ZNF407: variants seen among roughly 807,000 people sequenced by gnomAD.
ZNF407 encodes zinc finger protein 407.
Under a neutral mutation model 131.2 loss-of-function variants are expected in ZNF407, and 17 were observed. That is an observed-to-expected ratio of 0.13 (90% CI 0.09 to 0.19). ZNF407 has a LOEUF of 0.19. Among genes scored for constraint, ZNF407 ranks in the 10% least tolerant of loss-of-function variants. The pLI is 1.00. For synonymous variants in ZNF407, 1,156 were observed against 1,062.0 expected (o/e 1.09, Z -1.72); for missense variants, 2,681 against 2,830.6 (o/e 0.95, Z 1.20).
At chr18:74,730,740 A>T (rs1046274177) in intron 3 of ZNF407, among the ~76,000 whole-genome samples, 1 of 152,130 alleles carries the variant, frequency 6.6e-6, no homozygotes, top group Non-Finnish European at 1.5e-5. Flanking sequence ...TCATTTTCTC[A>T]CTATTTTCCA....
chr18:74,666,171 G>A (rs1256116517), intron 3 of ZNF407, among the ~76,000 whole-genome samples: 1 of 152,152 alleles, frequency 6.6e-6, no homozygotes, highest in Non-Finnish European at 1.5e-5. Flanking sequence ...AGGGCGCTCT[G>A]TGTGCCCTGT....
rs187850767 is a variant in ZNF407, at chr18:74,853,206, A to C, written c.4878-23991A>C. On this transcript the variant is annotated intron_variant, in intron 4 of 8. Coordinates refer to ENST00000299687, the MANE Select transcript of ZNF407 (RefSeq NM_017757.3). ...GAGCTTGCAATTAATGCTCCTAGCC[A>C]CTACTGTTGTCTTTGTATCATTTCA... Among the ~76,000 whole-genome samples the C allele has an allele frequency of 2.4e-3, 369 of 152,340 alleles. 2 individuals carry two copies. Among genetic ancestry groups the C allele is most frequent in the Admixed American group, 3.7e-3 (57 of 15,308 alleles).
intron 3 of ZNF407, among the ~76,000 whole-genome samples, chr18:74,719,423 G>A (rs561843656): frequency 3.9e-4 from 60 of 152,036 alleles, no homozygotes; most frequent in African/African-American, 1.3e-3. Flanking sequence ...ATTTAGAGAC[G>A]GAGTCTTGCT....
chr18:74,720,464 C>T (rs1472066185), intron 3 of ZNF407, among the ~76,000 whole-genome samples: 1 of 151,550 alleles, frequency 6.6e-6, no homozygotes, highest in African/African-American at 2.4e-5. Flanking sequence ...TCTTTTCACT[C>T]TGTTGTTTTT....
At position 75,006,032 on chromosome 18, in the gene ZNF407, G is replaced by A. The variant is rs535896400; in HGVS notation, c.5429-57118G>A. Among the ~76,000 whole-genome samples the A allele has an allele frequency of 2.6e-5, 4 of 152,288 alleles. No homozygotes were observed. The South Asian group carries it at 6.2e-4, about 24-fold the overall frequency. ...ATAAAGTCCTGGATCCAAACAAACT[G>A]CGGTGAAATCAGACACTGAGAGAGG... On this transcript the variant is annotated intron_variant, in intron 8 of 8. Coordinates refer to ENST00000299687, the MANE Select transcript of ZNF407 (RefSeq NM_017757.3).
intron 8 of ZNF407, among the ~76,000 whole-genome samples, chr18:74,963,437 A>G (rs1285370420): frequency 6.6e-6 from 1 of 152,200 alleles, no homozygotes; most frequent in Non-Finnish European, 1.5e-5. Context: ...GCATCATGTT[A>G]GTAATCCTTA....
intron 4 of ZNF407, among the ~76,000 whole-genome samples, chr18:74,808,734 A>G: frequency 6.6e-6 from 1 of 152,172 alleles, no homozygotes; most frequent in East Asian, 1.9e-4. Flanking sequence ...ATCTAATTCT[A>G]ATGAGTACAT....
chr18:74,632,959 A>C lies in ZNF407; in HGVS notation c.1940A>C (p.Lys647Thr), dbSNP rs752684151. ...CATATTAATTCATTGGTTCAACCAAAGACTTTGCAATCATCTAACAGTGAT... is the reference window on the plus strand; with the variant it reads ...CATATTAATTCATTGGTTCAACCAACGACTTTGCAATCATCTAACAGTGAT... ...EKHINSLVQP[K>T]TLQSSNSDLV... is the part of the protein sequence containing the mutation. Residue 647 changes from lysine (K) to threonine (T), a missense_variant, in exon 2 of 9, where the codon AAG becomes ACG. By Grantham distance (78) the Lys-to-Thr change is moderately conservative. Transcript: ENST00000299687. 6.2e-7 allele frequency: 1 copy of C among 1,613,528 alleles called. No individual in the cohort carries two copies. The highest frequency in any genetic ancestry group is 2.2e-5 in the East Asian group (1 of 44,876).
intron 3 of ZNF407, among the ~76,000 whole-genome samples, chr18:74,691,001 G>A (rs181298587): frequency 3.9e-5 from 6 of 152,274 alleles, no homozygotes; most frequent in Middle Eastern, 3.4e-3. Context: ...AGGAAAGGCC[G>A]AGCGCAGTGG....
intron 3 of ZNF407, among the ~76,000 whole-genome samples, chr18:74,770,071 T>G (rs1055766016): frequency 6.6e-6 from 1 of 151,932 alleles, no homozygotes; most frequent in African/African-American, 2.4e-5. Flanking sequence ...TGAGATGTGG[T>G]GAGGGTTAGG....
intron 3 of ZNF407, among the ~76,000 whole-genome samples, chr18:74,749,915 G>A (rs1230112077): frequency 6.6e-6 from 1 of 152,148 alleles, no homozygotes; most frequent in African/African-American, 2.4e-5. Context: ...AATTAGAAGA[G>A]TGTGAAATTG....
chr18:74,629,961 C>T (rs1359790620), intron 1 of ZNF407, among the ~76,000 whole-genome samples: 4 of 151,988 alleles, frequency 2.6e-5, no homozygotes, highest in Admixed American at 2.6e-4. Context: ...TTTCCCTTTG[C>T]CATTAACCTT....
Position 74,709,772 on chromosome 18 carries a change from T to C in ZNF407, c.4802+68650T>C, listed in dbSNP as rs576809220. Reference sequence around the variant, plus strand: ...CTGCTGAGAAAGATTTTGATGCCTTTTGCTTTAATTAAGCAAAAGGGAATG... The same window carrying C: ...CTGCTGAGAAAGATTTTGATGCCTTCTGCTTTAATTAAGCAAAAGGGAATG... On this transcript the variant is annotated intron_variant, in intron 3 of 8. Coordinates refer to ENST00000299687, the MANE Select transcript of ZNF407 (RefSeq NM_017757.3). Among the ~76,000 whole-genome samples, 10 of 152,360 alleles carry C rather than the reference T, an allele frequency of 6.6e-5. No homozygotes were observed. The South Asian group carries it at 1.9e-3, about 28-fold the overall frequency.
intron 3 of ZNF407, among the ~76,000 whole-genome samples, chr18:74,733,895 T>G (rs76677318): frequency 0.047 from 7,110 of 152,314 alleles, 204 homozygotes; most frequent in East Asian, 0.12. Context: ...TAGCCTTTTC[T>G]TTGAGAAAAG....
chr18:75,004,148 CTCAG>C (rs1972879500), intron 8 of ZNF407, among the ~76,000 whole-genome samples: 1 of 152,214 alleles, frequency 6.6e-6, no homozygotes, highest in Admixed American at 6.5e-5. Context: ...GTCTTTCCTG[CTCAG>C]TTTGTGTGCG....
intron 3 of ZNF407, among the ~76,000 whole-genome samples, chr18:74,756,756 C>T (rs1163907125): frequency 6.6e-6 from 1 of 151,668 alleles, no homozygotes; most frequent in Admixed American, 6.6e-5. Flanking sequence ...GTTTTTTTGA[C>T]TCTTCATTCA....
intron 2 of ZNF407, among the ~76,000 whole-genome samples, chr18:74,640,386 AATC>A (rs1225456990): frequency 2.0e-4 from 30 of 152,266 alleles, no homozygotes; most frequent in Admixed American, 9.2e-4. Flanking sequence ...CAGTTTGTTT[AATC>A]ATCATCGATT....
chr18:74,682,435 C>T (rs965169681), intron 3 of ZNF407, among the ~76,000 whole-genome samples: 2 of 152,130 alleles, frequency 1.3e-5, no homozygotes, highest in South Asian at 2.1e-4. Context: ...CGTAGTAGTG[C>T]CATGTCCATC....
intron 8 of ZNF407, among the ~76,000 whole-genome samples, chr18:74,953,138 G>A (rs185799460): frequency 1.5e-4 from 23 of 152,228 alleles, no homozygotes; most frequent in African/African-American, 4.6e-4. Context: ...AAAGGACTGC[G>A]TGGAAATGAG....
Sources: allele counts gnomAD v4.1 joint callset (sites outside exome capture counted in the v4.1 genomes callset), GRCh38; gene constraint gnomAD v4.1.1; transcripts MANE v1.5; gene names NCBI Gene and HGNC (gene_info 2026-07-23, HGNC 2026-07-21).